Variants in STARD13 observed in about 807,000 individuals in gnomAD.
The protein encoded by STARD13 is stAR-related lipid transfer protein 13.
In STARD13, 62 loss-of-function variants were observed where a neutral mutation model predicts 106.4. The observed-to-expected ratio is 0.58, with a 90% CI of 0.48 to 0.72. STARD13 has a LOEUF of 0.72. STARD13 is among the 30% of genes least tolerant of loss of function. The pLI is 0.00. For synonymous variants in STARD13, 565 were observed against 553.0 expected (o/e 1.02, Z -0.31); for missense variants, 1,387 against 1,424.0 (o/e 0.97, Z 0.42).
chr13:33,247,820 T>C (rs1271313897), intron 1 of STARD13, among the ~76,000 whole-genome samples: 1 of 152,062 alleles, frequency 6.6e-6, no homozygotes, highest in Non-Finnish European at 1.5e-5. Flanking sequence ...GCTTACAAAA[T>C]AGTGGGTGCT....
the STARD13 span, among the ~76,000 whole-genome samples, chr13:33,530,251 ATCAAGAAGTCAAACTT>A: frequency 6.6e-6 from 1 of 152,072 alleles, no homozygotes; most frequent in Non-Finnish European, 1.5e-5. Flanking sequence ...CCACCACCAC[ATCAAGAAGTCAAACTT>A]TGCAAGAACT....
At chr13:33,660,291 A>G in the STARD13 span, among the ~76,000 whole-genome samples, 1 of 152,214 alleles carries the variant, frequency 6.6e-6, no homozygotes, top group Admixed American at 6.5e-5. Context: ...GTTAGTTGTC[A>G]TAGTTTTTCA....
At chr13:33,341,195 A>C (rs1325334126) in intron 1 of STARD13, among the ~76,000 whole-genome samples, 1 of 152,254 alleles carries the variant, frequency 6.6e-6, no homozygotes, top group Non-Finnish European at 1.5e-5. Flanking sequence ...CAAAGTCTTA[A>C]AGCAAAATTT....
At chr13:33,160,956 A>T (rs1332300107) in intron 3 of STARD13, among the ~76,000 whole-genome samples, 1 of 152,216 alleles carries the variant, frequency 6.6e-6, no homozygotes, top group African/African-American at 2.4e-5. Flanking sequence ...GCTCATACAA[A>T]AACTTGAATA....
the STARD13 span, among the ~76,000 whole-genome samples, chr13:33,389,159 T>C: frequency 2.0e-5 from 3 of 152,078 alleles, no homozygotes; most frequent in South Asian, 4.1e-4. Context: ...GATTTCACCA[T>C]GTTGGCCAGT....
At chr13:33,456,103 T>C in the STARD13 span, among the ~76,000 whole-genome samples, 13 of 152,346 alleles carry the variant, frequency 8.5e-5, no homozygotes, top group African/African-American at 3.1e-4. Flanking sequence ...TGTCTATGGC[T>C]GCTTTCAAGC....
At position 33,109,880 on chromosome 13, in the gene STARD13, C is replaced by A; in HGVS notation, c.3040G>T (p.Val1014Phe). Residue 1014 changes from valine to phenylalanine, a missense_variant, in exon 12 of 14, where the codon GTT (valine) becomes TTT (phenylalanine). Physicochemically the swap from Val to Phe is conservative, Grantham distance 50 (BLOSUM62 -1). Coordinates refer to ENST00000336934, the MANE Select transcript of STARD13 (RefSeq NM_178006.4). ...MAPHPSRDFV[V>F]LRTWKTDLPK... Reference sequence around the variant, plus strand: ...CCCTAGAGTCAGGCTCACCTGAGAACCACAAAGTCTCTGGAAGGATGGGGA... The same window carrying A: ...CCCTAGAGTCAGGCTCACCTGAGAAACACAAAGTCTCTGGAAGGATGGGGA... 6.2e-7 allele frequency: 1 copy of A among 1,614,204 alleles called. No homozygotes were observed. Among genetic ancestry groups the A allele is most frequent in the East Asian group, 2.2e-5 (1 of 44,896 alleles).
the STARD13 span, among the ~76,000 whole-genome samples, chr13:33,535,203 G>A: frequency 6.6e-6 from 1 of 151,936 alleles, no homozygotes; most frequent in Non-Finnish European, 1.5e-5. Flanking sequence ...TGACAAGAGC[G>A]AAACTCTGTC....
intron 1 of STARD13, among the ~76,000 whole-genome samples, chr13:33,209,457 C>CTTT (rs1479939760): frequency 2.4e-5 from 3 of 123,158 alleles, no homozygotes; most frequent in Admixed American, 7.9e-5. Context: ...CTCTCTCTCT[C>CTTT]TCTTTTTTTT....
At chr13:33,460,321 A>C in the STARD13 span, among the ~76,000 whole-genome samples, 1 of 151,630 alleles carries the variant, frequency 6.6e-6, no homozygotes, top group Admixed American at 6.6e-5. Context: ...CCCTGTCTCT[A>C]GTAAAATACA....
the STARD13 span, among the ~76,000 whole-genome samples, chr13:33,511,847 A>G: frequency 6.6e-6 from 1 of 152,186 alleles, no homozygotes; most frequent in Non-Finnish European, 1.5e-5. Context: ...AAAATAACTA[A>G]TTACCTAGCT....
intron 1 of STARD13, among the ~76,000 whole-genome samples, chr13:33,228,376 T>G (rs1888727474): frequency 6.6e-6 from 1 of 152,222 alleles, no homozygotes; most frequent in East Asian, 1.9e-4. Flanking sequence ...TCTATTAAAA[T>G]ATCAGGCATT....
chr13:33,126,773 GA>G (rs1877234774), intron 6 of STARD13, among the ~76,000 whole-genome samples: 1 of 152,078 alleles, frequency 6.6e-6, no homozygotes, highest in Non-Finnish European at 1.5e-5. Flanking sequence ...AAGCACCATT[GA>G]TTTTTTAAAT....
At chr13:33,319,056 C>T (rs1214534066) in intron 1 of STARD13, among the ~76,000 whole-genome samples, 1 of 152,068 alleles carries the variant, frequency 6.6e-6, no homozygotes, top group Non-Finnish European at 1.5e-5. Context: ...GATCTACACC[C>T]AAGAAAATTA....
the STARD13 span, among the ~76,000 whole-genome samples, chr13:33,471,363 C>T: frequency 6.6e-6 from 1 of 152,184 alleles, no homozygotes; most frequent in East Asian, 1.9e-4. Context: ...CAGGCTGCAG[C>T]AGCCAGTTCC....
the STARD13 span, among the ~76,000 whole-genome samples, chr13:33,454,000 T>A: frequency 6.6e-6 from 1 of 150,612 alleles, no homozygotes; most frequent in Non-Finnish European, 1.5e-5. Flanking sequence ...AATGGAAAGA[T>A]GATTTTTGTG....
At chr13:33,128,109 G>T (rs926948332) in intron 5 of STARD13, among the ~76,000 whole-genome samples, 4 of 151,482 alleles carry the variant, frequency 2.6e-5, no homozygotes, top group African/African-American at 9.7e-5. Context: ...ACAGAGAGAG[G>T]GAAGACAGAG....
At chr13:33,516,318 G>A in the STARD13 span, among the ~76,000 whole-genome samples, 25 of 148,302 alleles carry the variant, frequency 1.7e-4, 1 homozygote, top group African/African-American at 6.2e-4. Context: ...TGAAACCCAG[G>A]GCAATAATTA....
chr13:33,322,410 A>C (rs1037668151), intron 1 of STARD13, among the ~76,000 whole-genome samples: 3 of 152,228 alleles, frequency 2.0e-5, no homozygotes, highest in Admixed American at 2.0e-4. Context: ...TTAGCTGAGA[A>C]GTTAAATCCA....
Sources: gnomAD v4.1 joint callset for allele counts (sites outside exome capture counted in the v4.1 genomes callset) on GRCh38, gnomAD v4.1.1 for gene constraint, MANE v1.5 for transcripts, NCBI Gene and HGNC (gene_info 2026-07-23, HGNC 2026-07-21) for gene names.